MAP3K13: variants seen among roughly 807,000 people sequenced by gnomAD.
The protein encoded by MAP3K13 is leucine zipper-bearing kinase.
A neutral mutation model predicts 104.0 loss-of-function variants in MAP3K13; 52 were observed. The observed-to-expected ratio is 0.50, with a 90% CI of 0.40 to 0.63. The LOEUF (loss-of-function observed/expected upper bound fraction) is 0.63, where lower values mean the gene tolerates loss of function less well. MAP3K13 is among the 20% of genes least tolerant of loss of function. The probability of loss-of-function intolerance (pLI) is 0.00; values close to 1 mark genes in which losing one functional copy is unlikely to be tolerated. For synonymous variants in MAP3K13, 394 were observed against 442.2 expected (o/e 0.89, Z 1.37); for missense variants, 914 against 1,218.5 (o/e 0.75, Z 3.72).
chr3:185,300,650 G>C (rs1316857378), intron 2 of MAP3K13, among the ~76,000 whole-genome samples: 1 of 151,782 alleles, frequency 6.6e-6, no homozygotes, highest in African/African-American at 2.4e-5. Context: ...CTGGCATCAC[G>C]CTGGCTAATT....
At chr3:185,481,841 T>C (rs1718477905) in intron 13 of MAP3K13, among the ~76,000 whole-genome samples, 1 of 152,218 alleles carries the variant, frequency 6.6e-6, no homozygotes, top group South Asian at 2.1e-4. Context: ...TCCCAGCACT[T>C]TGGGAGGCCG....
chr3:185,364,015 G>A (rs1266302646), intron 1 of MAP3K13, among the ~76,000 whole-genome samples: 1 of 152,170 alleles, frequency 6.6e-6, no homozygotes, highest in African/African-American at 2.4e-5. Context: ...GAGGGAAAGG[G>A]GGAATTATCC....
At position 185,485,352 on chromosome 3, in the gene MAP3K13, A is replaced by G. The variant is rs530595782; in HGVS notation, c.*2896A>G. The G allele has an allele frequency of 4.6e-5, 7 of 152,320 alleles. No individual in the cohort carries two copies. The South Asian group carries it at 1.2e-3, about 27-fold the overall frequency. 9.4% of individuals were successfully genotyped at this position (152,320 alleles called of 1,614,324 possible). On this transcript the variant is annotated 3_prime_UTR_variant, in exon 14 of 14. Coordinates refer to ENST00000265026, the MANE Select transcript of MAP3K13 (RefSeq NM_004721.5). ...GAGACTAAAAAAAGAAATGGTATAC[A>G]GTAGTCCCCTCTTACCCATGGCTTC...
Position 185,486,560 on chromosome 3 carries a change from T to C in MAP3K13, c.*4104T>C, listed in dbSNP as rs1269593009. Reference sequence around the variant, plus strand: ...GTGTTGAATCAAGAGCTCAGGGAAGTTATGAGCTAATTCTTCAGTCCTGAC... The same window carrying C: ...GTGTTGAATCAAGAGCTCAGGGAAGCTATGAGCTAATTCTTCAGTCCTGAC... On this transcript the variant is annotated 3_prime_UTR_variant, in exon 14 of 14. Transcript: ENST00000265026. 1.3e-5 allele frequency: 2 copies of C among 152,132 alleles called. No homozygotes were observed. Among genetic ancestry groups the C allele is most frequent in the Non-Finnish European group, 2.9e-5 (2 of 68,020 alleles). 9.4% of individuals were successfully genotyped at this position (152,132 alleles called of 1,614,324 possible).
chr3:185,389,017 C>T (rs1327461726), intron 1 of MAP3K13, among the ~76,000 whole-genome samples: 1 of 152,020 alleles, frequency 6.6e-6, no homozygotes. Flanking sequence ...GGGAGTTGAC[C>T]TTCTTAGAAA....
intron 2 of MAP3K13, among the ~76,000 whole-genome samples, chr3:185,301,066 C>T (rs1721086669): frequency 6.6e-6 from 1 of 152,082 alleles, no homozygotes; most frequent in Non-Finnish European, 1.5e-5. Flanking sequence ...TTCCCACCAA[C>T]AGTGTACAGA....
chr3:185,330,341 T>A (rs1722218363), intron 2 of MAP3K13, among the ~76,000 whole-genome samples: 2 of 152,154 alleles, frequency 1.3e-5, no homozygotes, highest in South Asian at 4.2e-4. Flanking sequence ...TCTGCTGTAC[T>A]GAGCGGGAGC....
At chr3:185,388,284 T>C (rs1404568078) in intron 1 of MAP3K13, among the ~76,000 whole-genome samples, 3 of 152,060 alleles carry the variant, frequency 2.0e-5, no homozygotes, top group Non-Finnish European at 2.9e-5. Context: ...GGTGGATCAC[T>C]TGAGTCCTGG....
upstream of MAP3K13, among the ~76,000 whole-genome samples, chr3:185,361,420 A>T (rs1723619051): frequency 6.8e-6 from 1 of 147,192 alleles, no homozygotes. Context: ...TTTTTCTTTG[A>T]GACGGAGTCT....
chr3:185,426,689 A>G (rs1178133025), intron 1 of MAP3K13, among the ~76,000 whole-genome samples: 1 of 152,010 alleles, frequency 6.6e-6, no homozygotes. Flanking sequence ...CATCTGTTCT[A>G]TAGTCTTTCA....
chr3:185,395,376 T>TTTTTTTTTTTTTTTTTTA, intron 1 of MAP3K13, among the ~76,000 whole-genome samples: 1 of 92,744 alleles, frequency 1.1e-5, no homozygotes. Context: ...TTTTTTTTTT[T>TTTTTTTTTTTTTTTTTTA]GAGACGGAGT....
At chr3:185,353,848 C>T (rs1723237726) in intron 2 of MAP3K13, among the ~76,000 whole-genome samples, 1 of 152,162 alleles carries the variant, frequency 6.6e-6, no homozygotes. Context: ...AAATCCTTCC[C>T]CTTCAAGGTC....
chr3:185,345,155 C>T (rs1722871032), intron 2 of MAP3K13, among the ~76,000 whole-genome samples: 1 of 152,208 alleles, frequency 6.6e-6, no homozygotes, highest in African/African-American at 2.4e-5. Flanking sequence ...AGCCACTGCA[C>T]CCGGCCCCAT....
At chr3:185,343,550 T>C (rs1043951922) in intron 2 of MAP3K13, among the ~76,000 whole-genome samples, 3 of 152,066 alleles carry the variant, frequency 2.0e-5, no homozygotes, top group Non-Finnish European at 4.4e-5. Context: ...CCTCCCAGGA[T>C]CAAGTGATTC....
chr3:185,443,727 A>C, intron 4 of MAP3K13, 91 bp downstream of exon 4: 1 of 1,078,920 alleles, frequency 9.3e-7, no homozygotes, highest in Non-Finnish European at 1.4e-6. Context: ...TTCAGACATC[A>C]TACCTTTAGT....
intron 1 of MAP3K13, among the ~76,000 whole-genome samples, chr3:185,399,765 T>C (rs1712680137): frequency 1.3e-5 from 2 of 151,698 alleles, no homozygotes; most frequent in Admixed American, 1.3e-4. Flanking sequence ...AGTTACAGTT[T>C]AGCTAGTTCC....
intron 1 of MAP3K13, among the ~76,000 whole-genome samples, chr3:185,416,702 C>T (rs570600109): frequency 6.6e-5 from 10 of 152,150 alleles, no homozygotes; most frequent in Middle Eastern, 3.4e-3. Flanking sequence ...AATCATGGCT[C>T]ACTGCAGCTT....
chr3:185,418,442 G>A lies in MAP3K13; in HGVS notation c.-85-10055G>A. The A allele has an allele frequency of 2.5e-6, 4 of 1,609,992 alleles. No homozygotes were observed. In the South Asian group the frequency reaches 3.3e-5, roughly 13 times the overall value. ...CGTTTTTGGGTTGTGTTCACTCTACGATGCCAACGGCGCCAGGTTTTGGTT... is the reference window on the plus strand; with the variant it reads ...CGTTTTTGGGTTGTGTTCACTCTACAATGCCAACGGCGCCAGGTTTTGGTT... On this transcript the variant is annotated intron_variant, in intron 1 of 13. Transcript: ENST00000265026. This position sits in a 1 kb window ranked among gnomAD's most constrained non-coding sequence, Gnocchi z 4.5.
intron 1 of MAP3K13, among the ~76,000 whole-genome samples, chr3:185,387,441 C>G (rs1376528945): frequency 1.3e-5 from 2 of 152,100 alleles, no homozygotes; most frequent in Non-Finnish European, 2.9e-5. Flanking sequence ...AATGCCCTCA[C>G]CAGATGAAGA....
Sources: gnomAD v4.1 joint callset for allele counts (sites outside exome capture counted in the v4.1 genomes callset) on GRCh38, gnomAD v4.1.1 for gene constraint, Gnocchi (gnomAD v3.1) non-coding constraint, MANE v1.5 for transcripts, NCBI Gene and HGNC (gene_info 2026-07-23, HGNC 2026-07-21) for gene names.